Variants in KMO observed in about 807,000 individuals in gnomAD.
KMO encodes the protein kynurenine 3-hydroxylase.
Under a neutral mutation model 57.8 loss-of-function variants are expected in KMO, and 24 were observed. The ratio of observed to expected loss-of-function variants is 0.42; its 90% CI spans 0.30 to 0.58. The LOEUF (loss-of-function observed/expected upper bound fraction) is 0.58, where lower values mean the gene tolerates loss of function less well. Ranked by LOEUF, KMO falls within the 20% of genes least tolerant of loss-of-function variation. KMO has a pLI of 0.22. For missense variants in KMO, 483 were observed against 588.2 expected, an observed-to-expected ratio of 0.82 and a Z score of 1.85; for synonymous variants, 210 against 193.6, an observed-to-expected ratio of 1.08 and a Z score of -0.70.
chr1:241,591,195 T>C (rs987763535), intron 14 of KMO, among the ~76,000 whole-genome samples: 1 of 152,104 alleles, frequency 6.6e-6, no homozygotes, highest in Admixed American at 6.6e-5. Flanking sequence ...GCAGTTAGAA[T>C]GCAGGACAGT....
chr1:241,572,894 T>G (rs1027356506), intron 10 of KMO, among the ~76,000 whole-genome samples: 2 of 152,146 alleles, frequency 1.3e-5, no homozygotes, highest in Non-Finnish European at 2.9e-5. Context: ...CAGTATTTGA[T>G]TTTCTATTCT....
At chr1:241,537,373 A>G (rs1660788608) in intron 1 of KMO, among the ~76,000 whole-genome samples, 1 of 152,228 alleles carries the variant, frequency 6.6e-6, no homozygotes, top group African/African-American at 2.4e-5. Flanking sequence ...GTTGAGGTCT[A>G]CACAGAATTT....
At chr1:241,568,180 C>T (rs1406363080) in intron 9 of KMO, among the ~76,000 whole-genome samples, 2 of 152,182 alleles carry the variant, frequency 1.3e-5, no homozygotes, top group Non-Finnish European at 2.9e-5. Flanking sequence ...CTAAAATACA[C>T]TGCTGCATTT....
At position 241,562,082 on chromosome 1, in the gene KMO, G is replaced by A. The variant is rs1169036454; in HGVS notation, c.450-85G>A. 33 of 1,107,542 alleles carry A rather than the reference G, an allele frequency of 3.0e-5. 2 individuals are homozygous for A. Among genetic ancestry groups the A allele is most frequent in the Non-Finnish European group, 3.6e-5 (28 of 767,170 alleles). The allele number at this position is 1,107,542 out of a possible 1,614,324, so 68.6% of individuals were successfully genotyped here. On this transcript the variant is annotated intron_variant, in intron 6 of 14. Transcript: ENST00000366559. ...GTGAGCTTTCTAAGTTATCTATGGA[G>A]CCACTACTTCTCATACCCAGAGGTA...
intron 1 of KMO, among the ~76,000 whole-genome samples, chr1:241,543,354 T>C (rs1661023112): frequency 6.6e-6 from 1 of 152,216 alleles, no homozygotes; most frequent in Non-Finnish European, 1.5e-5. Context: ...AAACTATGTA[T>C]TTGCATATGT....
rs75426896 is a variant in KMO, at chr1:241,573,073, T to C, written c.957+4426T>C. Among the ~76,000 whole-genome samples, 840 of 152,284 alleles carry C rather than the reference T, an allele frequency of 5.5e-3. 7 individuals carry two copies. Among genetic ancestry groups the C allele is most frequent in the African/African-American group, 0.019 (798 of 41,562 alleles). ...TTAGGTTGGTTCCATATCTTTACAA[T>C]AGAGAATTGTCCTACAATAAATATA... On this transcript the variant is annotated intron_variant, in intron 10 of 14. Coordinates refer to ENST00000366559, the MANE Select transcript of KMO (RefSeq NM_003679.5).
Position 241,586,748 on chromosome 1 carries a change from C to A in KMO, c.1015+12C>A. On this transcript the variant is annotated intron_variant, in intron 11 of 14. Transcript: ENST00000366559. The stretch of plus-strand genomic sequence containing the variant: ...CAGTAACGACCTTAGTAAGTAAGGT[C>A]AATTTCTCAACTGGACATGTACTAG... 1.3e-6 allele frequency: 2 copies of A among 1,582,992 alleles called. No individual in the cohort carries two copies. The highest frequency in any genetic ancestry group is 2.3e-5 in the South Asian group (2 of 86,438).
chr1:241,564,553 A>G (rs756668620), intron 7 of KMO, among the ~76,000 whole-genome samples: 1 of 151,850 alleles, frequency 6.6e-6, no homozygotes, highest in Non-Finnish European at 1.5e-5. Context: ...GGCAAAAGAT[A>G]AAGTAAAAAA....
chr1:241,537,002 T>A (rs1660775984), intron 1 of KMO, among the ~76,000 whole-genome samples: 1 of 152,158 alleles, frequency 6.6e-6, no homozygotes, highest in African/African-American at 2.4e-5. Flanking sequence ...ATGGTGTTTC[T>A]GTTCTGTTCT....
chr1:241,554,422 C>T (rs554331980), intron 4 of KMO, among the ~76,000 whole-genome samples: 6 of 151,864 alleles, frequency 4.0e-5, no homozygotes, highest in African/African-American at 9.6e-5. Flanking sequence ...TACAGGCACG[C>T]GCCACCAGAC....
At position 241,547,428 on chromosome 1, in the gene KMO, A is replaced by G. The variant is rs141589541; in HGVS notation, c.55-1401A>G. Among the ~76,000 whole-genome samples, 884 of 152,138 alleles carry G rather than the reference A, an allele frequency of 5.8e-3. 14 individuals are homozygous for G. The highest frequency in any genetic ancestry group is 0.018 in the African/African-American group (738 of 41,516). ...GACTCTATGAACAACTAAACAAAAG[A>G]AAAAGAAAGAAAAGAAAAAAGATAG... On this transcript the variant is annotated intron_variant, in intron 1 of 14. Coordinates refer to ENST00000366559, the MANE Select transcript of KMO (RefSeq NM_003679.5).
At chr1:241,543,699 CA>C in intron 1 of KMO, among the ~76,000 whole-genome samples, 1 of 152,246 alleles carries the variant, frequency 6.6e-6, no homozygotes, top group African/African-American at 2.4e-5. Context: ...TAATTACAAG[CA>C]ATGTGTAGGA....
chr1:241,567,044 A>G (rs959086166), intron 9 of KMO, among the ~76,000 whole-genome samples: 2 of 152,236 alleles, frequency 1.3e-5, no homozygotes, highest in Non-Finnish European at 2.9e-5. Flanking sequence ...GTTGATAAAT[A>G]ATAGAACCTA....
intron 10 of KMO, among the ~76,000 whole-genome samples, chr1:241,581,236 T>C (rs556742864): frequency 6.6e-6 from 1 of 152,272 alleles, no homozygotes; most frequent in East Asian, 1.9e-4. Context: ...GATGTGAATT[T>C]CTTGTAGGCA....
chr1:241,555,793 A>T, intron 5 of KMO, 133 bp downstream of exon 5: 1 of 520,722 alleles, frequency 1.9e-6, no homozygotes, highest in Non-Finnish European at 3.4e-6. Flanking sequence ...GTACACTACA[A>T]AGTCCTTCTT....
intron 8 of KMO, among the ~76,000 whole-genome samples, chr1:241,565,508 C>T (rs1662039482): frequency 1.4e-5 from 2 of 147,328 alleles, no homozygotes; most frequent in South Asian, 4.3e-4. Context: ...ATTGCTTGAG[C>T]TCAGGAGTTC....
At position 241,560,655 on chromosome 1, in the gene KMO, AT is replaced by A; in HGVS notation, c.362-7del. The A allele has an allele frequency of 6.3e-7, 1 of 1,596,956 alleles. No individual in the cohort carries two copies. The highest frequency in any genetic ancestry group is 8.6e-7 in the Non-Finnish European group (1 of 1,164,466). ...TTCATTTCTGTTTGCCTCTTTCTCCATTTCCTCAGCTGCTGAGAAATACCCC... is the reference window on the plus strand; with the variant it reads ...TTCATTTCTGTTTGCCTCTTTCTCCATTCCTCAGCTGCTGAGAAATACCCC... On this transcript the variant is annotated splice_polypyrimidine_tract_variant and intron_variant, in intron 5 of 14. Transcript: ENST00000366559.
chr1:241,543,533 C>A (rs537398387), intron 1 of KMO, among the ~76,000 whole-genome samples: 1 of 152,110 alleles, frequency 6.6e-6, no homozygotes, highest in Non-Finnish European at 1.5e-5. Flanking sequence ...GGCTATTCCC[C>A]GCTTTTTTGT....
chr1:241,533,683 C>A (rs770380147), intron 1 of KMO, among the ~76,000 whole-genome samples: 1 of 151,786 alleles, frequency 6.6e-6, no homozygotes, highest in East Asian at 1.9e-4. Flanking sequence ...AGTAGGGATG[C>A]GAGGGTGAGA....
Sources: allele counts gnomAD v4.1 joint callset (sites outside exome capture counted in the v4.1 genomes callset), GRCh38; gene constraint gnomAD v4.1.1; transcripts MANE v1.5; gene names NCBI Gene and HGNC (gene_info 2026-07-23, HGNC 2026-07-21).